ST7: variants seen among roughly 807,000 people sequenced by gnomAD.
ST7 encodes the protein suppressor of tumorigenicity 7 protein.
In ST7, 28 loss-of-function variants were observed where a neutral mutation model predicts 78.7. The observed-to-expected ratio is 0.36, with a 90% CI of 0.26 to 0.49. The LOEUF is 0.49. Among genes scored for constraint, ST7 ranks in the 20% least tolerant of loss-of-function variants. ST7 has a pLI of 0.99. For synonymous variants in ST7, 247 were observed against 249.6 expected, an observed-to-expected ratio of 0.99 and a Z score of 0.10; for missense variants, 418 against 696.0, an observed-to-expected ratio of 0.60 and a Z score of 4.49.
chr7:117,088,521 T>A (rs1364373793), intron 1 of ST7, among the ~76,000 whole-genome samples: 1 of 152,258 alleles, frequency 6.6e-6, no homozygotes, highest in African/African-American at 2.4e-5. Flanking sequence ...TTAACAATTA[T>A]CTGTTCAAAC....
chr7:117,177,158 A>G (rs959272818), intron 10 of ST7, among the ~76,000 whole-genome samples: 3 of 152,230 alleles, frequency 2.0e-5, no homozygotes, highest in Non-Finnish European at 4.4e-5. Context: ...TTTGGACACC[A>G]AGAGGTAGAT....
chr7:117,065,333 C>T (rs368967071), intron 1 of ST7, among the ~76,000 whole-genome samples: 18 of 151,890 alleles, frequency 1.2e-4, no homozygotes, highest in Admixed American at 9.2e-4. Context: ...CTCAGCCTCC[C>T]GGGTAGCTGG....
intron 1 of ST7, among the ~76,000 whole-genome samples, chr7:117,087,898 A>G (rs370179697): frequency 9.9e-5 from 15 of 152,032 alleles, no homozygotes; most frequent in Admixed American, 5.9e-4. Context: ...GCAGCTGCAC[A>G]TTTTACACAC....
chr7:117,136,562 T>A, intron 8 of ST7: 1 of 501,698 alleles, frequency 2.0e-6, no homozygotes, highest in Non-Finnish European at 3.5e-6. Context: ...GCTCACAACT[T>A]TAAAACCCAG....
intron 1 of ST7, among the ~76,000 whole-genome samples, chr7:116,980,983 A>G (rs1793933703): frequency 6.6e-6 from 1 of 152,190 alleles, no homozygotes; most frequent in African/African-American, 2.4e-5. Context: ...GTGTCTCTCC[A>G]GACTCCTTTT....
At chr7:116,974,227 C>T (rs939124896) in intron 1 of ST7, among the ~76,000 whole-genome samples, 1 of 152,016 alleles carries the variant, frequency 6.6e-6, no homozygotes, top group African/African-American at 2.4e-5. Flanking sequence ...TCTAGAACCT[C>T]CATTTTGTCT....
At chr7:117,068,764 C>G (rs1259960532) in intron 1 of ST7, among the ~76,000 whole-genome samples, 2 of 152,222 alleles carry the variant, frequency 1.3e-5, no homozygotes, top group African/African-American at 4.8e-5. Context: ...CATTAATATT[C>G]ATGGCACATG....
intron 1 of ST7, among the ~76,000 whole-genome samples, chr7:117,044,582 C>T (rs554725100): frequency 4.6e-5 from 7 of 151,756 alleles, no homozygotes; most frequent in Non-Finnish European, 1.0e-4. Context: ...AACTCTTGAC[C>T]ACAAGTGATC....
chr7:117,201,427 G>A (rs1169490495), intron 12 of ST7, among the ~76,000 whole-genome samples: 1 of 152,042 alleles, frequency 6.6e-6, no homozygotes, highest in African/African-American at 2.4e-5. Context: ...CCTCTACTGA[G>A]GTCACTCTTA....
At chr7:117,053,492 CA>C (rs776878939) in intron 1 of ST7, among the ~76,000 whole-genome samples, 3 of 152,186 alleles carry the variant, frequency 2.0e-5, no homozygotes, top group Non-Finnish European at 2.9e-5. Flanking sequence ...TGCCTTGCAA[CA>C]ATGACTAGAA....
At chr7:116,985,702 C>A (rs1480287928) in intron 1 of ST7, among the ~76,000 whole-genome samples, 1 of 152,136 alleles carries the variant, frequency 6.6e-6, no homozygotes, top group Non-Finnish European at 1.5e-5. Flanking sequence ...AAAAGGTGAT[C>A]AGAATTTGTG....
intron 9 of ST7, among the ~76,000 whole-genome samples, chr7:117,148,078 G>A (rs1805951187): frequency 6.6e-6 from 1 of 152,110 alleles, no homozygotes; most frequent in African/African-American, 2.4e-5. Flanking sequence ...TCATATATCA[G>A]CTTATTTTGT....
intron 3 of ST7, among the ~76,000 whole-genome samples, chr7:117,128,936 A>C (rs1181449133): frequency 6.6e-6 from 1 of 151,852 alleles, no homozygotes; most frequent in Non-Finnish European, 1.5e-5. Flanking sequence ...TGATTTTTTT[A>C]TAATAAAATC....
chr7:117,162,875 C>T (rs1049607401), intron 9 of ST7, among the ~76,000 whole-genome samples: 1 of 152,084 alleles, frequency 6.6e-6, no homozygotes, highest in Admixed American at 6.5e-5. Context: ...GTTATTCCTT[C>T]TGTTGAGCTA....
intron 10 of ST7, among the ~76,000 whole-genome samples, chr7:117,181,947 T>C (rs999661213): frequency 2.0e-5 from 3 of 152,234 alleles, no homozygotes; most frequent in Non-Finnish European, 4.4e-5. Context: ...TTTTAAATGC[T>C]GTCCTTTCAG....
At chr7:117,182,445 A>C (rs1374276005) in intron 10 of ST7, among the ~76,000 whole-genome samples, 1 of 152,242 alleles carries the variant, frequency 6.6e-6, no homozygotes, top group African/African-American at 2.4e-5. Context: ...GAAACTATTA[A>C]GATTTAATGG....
At chr7:117,102,429 C>G (rs1563082665) in intron 2 of ST7, among the ~76,000 whole-genome samples, 1 of 152,078 alleles carries the variant, frequency 6.6e-6, no homozygotes, top group Non-Finnish European at 1.5e-5. Flanking sequence ...ATAATCTCTT[C>G]AATCTAGGGG....
intron 1 of ST7, chr7:116,972,151 TG>T: frequency 1.8e-6 from 1 of 554,692 alleles, no homozygotes; most frequent in Non-Finnish European, 3.5e-6. Flanking sequence ...AGCAGCAGGG[TG>T]GGACTGGGCT....
intron 3 of ST7, among the ~76,000 whole-genome samples, chr7:117,125,351 A>G (rs976462367): frequency 3.3e-5 from 5 of 152,118 alleles, no homozygotes; most frequent in Non-Finnish European, 4.4e-5. Context: ...TCTTGAAGAA[A>G]GTGGTACATT....
Sources: allele counts gnomAD v4.1 joint callset (sites outside exome capture counted in the v4.1 genomes callset), GRCh38; gene constraint gnomAD v4.1.1; transcripts MANE v1.5; gene names NCBI Gene and HGNC (gene_info 2026-07-23, HGNC 2026-07-21).